NEK1: variants seen among roughly 807,000 people sequenced by gnomAD.
NEK1 encodes the protein NIMA related kinase 1, also known as serine/threonine-protein kinase Nek1.
In NEK1, 137 loss-of-function variants were observed where a neutral mutation model predicts 182.1. The ratio of observed to expected loss-of-function variants is 0.75; its 90% CI spans 0.65 to 0.87. The LOEUF (loss-of-function observed/expected upper bound fraction) is 0.87. Among genes scored for constraint, NEK1 ranks in the 40% least tolerant of loss-of-function variants. NEK1 has a pLI of 0.00. For missense variants in NEK1, 1,391 were observed against 1,494.4 expected (o/e 0.93, Z 1.14); for synonymous variants, 513 against 492.2 (o/e 1.04, Z -0.56).
chr4:169,577,207 A>G lies in NEK1; in HGVS notation c.869-128T>C, dbSNP rs1765830314. The stretch of plus-strand genomic sequence containing the variant: ...TAGTATTTTAAACTTTCTATCAAAT[A>G]TCTTAATTCATCCCTTAGTATTTAC... On this transcript the variant is annotated intron_variant, in intron 11 of 35. Coordinates refer to ENST00000507142, the MANE Select transcript of NEK1 (RefSeq NM_001199397.3). 6.8e-6 allele frequency: 6 copies of G among 877,442 alleles called. No homozygotes were observed. In the African/African-American group the frequency reaches 8.5e-5, roughly 12 times the overall value. 54.4% of individuals were successfully genotyped at this position (877,442 alleles called of 1,614,324 possible).
chr4:169,531,548 C>T (rs1041884014), intron 19 of NEK1, among the ~76,000 whole-genome samples: 8 of 151,470 alleles, frequency 5.3e-5, no homozygotes, highest in African/African-American at 1.9e-4. Context: ...GGTAAAGAAG[C>T]AAAGTCGAGG....
chr4:169,545,444 C>CT (rs1210330637), intron 18 of NEK1, among the ~76,000 whole-genome samples: 1 of 150,592 alleles, frequency 6.6e-6, no homozygotes, highest in African/African-American at 2.5e-5. Flanking sequence ...TTAATCCAGT[C>CT]TATCATTGTT....
chr4:169,584,995 G>A (rs1443397496), intron 10 of NEK1, among the ~76,000 whole-genome samples: 1 of 152,184 alleles, frequency 6.6e-6, no homozygotes, highest in Non-Finnish European at 1.5e-5. Context: ...AGACAAGCCT[G>A]AATAACATAA....
At chr4:169,412,922 G>A (rs1344514547) in intron 31 of NEK1, among the ~76,000 whole-genome samples, 1 of 151,768 alleles carries the variant, frequency 6.6e-6, no homozygotes, top group Non-Finnish European at 1.5e-5. Context: ...AAGAAAGAGA[G>A]GGAAAGAGGG....
rs34538104 is a variant in NEK1 at position 169,583,961 on chromosome 4, C to T, written c.807+1388G>A. On this transcript the variant is annotated intron_variant, in intron 10 of 35. Coordinates refer to ENST00000507142, the MANE Select transcript of NEK1 (RefSeq NM_001199397.3). ...AAGTCAGAAGGATATATGATACTTC[C>T]TTCTTCTCCATGAGCATATAAAACT... 5.3e-3 allele frequency among the ~76,000 whole-genome samples: 803 copies of T among 152,200 alleles called. 2 individuals are homozygous for T. Among genetic ancestry groups the T allele is most frequent in the Middle Eastern group, 0.01 (3 of 294 alleles).
chr4:169,458,611 C>G (rs1156464106), intron 27 of NEK1, among the ~76,000 whole-genome samples: 2 of 151,846 alleles, frequency 1.3e-5, no homozygotes, highest in Non-Finnish European at 2.9e-5. Context: ...ACTGGTGGTC[C>G]CAGCTACTTG....
At position 169,541,698 on chromosome 4, in the gene NEK1, A is replaced by G. The variant is rs545964160; in HGVS notation, c.1563-3787T>C. On this transcript the variant is annotated intron_variant, in intron 18 of 35. Coordinates refer to ENST00000507142, the MANE Select transcript of NEK1 (RefSeq NM_001199397.3). ...ATGTCCTATAATGCCAGTGACCACT[A>G]AACAGTACAAGACAAAAGAACCATT... Among the ~76,000 whole-genome samples the G allele has an allele frequency of 2.7e-4, 41 of 152,296 alleles. 1 individual carries two copies. In the South Asian group the frequency reaches 8.3e-3, roughly 31 times the overall value.
chr4:169,595,072 T>G (rs1443061733), intron 5 of NEK1, among the ~76,000 whole-genome samples: 1 of 152,136 alleles, frequency 6.6e-6, no homozygotes, highest in African/African-American at 2.4e-5. Context: ...GCCAAACTAC[T>G]GGCACTTCAG....
chr4:169,478,760 T>C (rs1226702004), intron 24 of NEK1, among the ~76,000 whole-genome samples: 5 of 152,290 alleles, frequency 3.3e-5, no homozygotes, highest in Admixed American at 6.5e-5. Context: ...CTCCTGTCTG[T>C]TGAATTCTAG....
At chr4:169,511,494 A>C (rs1311893999) in intron 19 of NEK1, among the ~76,000 whole-genome samples, 1 of 152,112 alleles carries the variant, frequency 6.6e-6, no homozygotes, top group East Asian at 1.9e-4. Context: ...TGAAGTTTTA[A>C]AACCTTTTTG....
intron 35 of NEK1, among the ~76,000 whole-genome samples, chr4:169,396,589 A>G (rs1730766579): frequency 6.6e-6 from 1 of 151,766 alleles, no homozygotes; most frequent in Non-Finnish European, 1.5e-5. Context: ...CTAGCTATGG[A>G]AAAAAAAGCA....
chr4:169,440,420 T>C (rs535424616), intron 27 of NEK1, among the ~76,000 whole-genome samples: 1 of 152,186 alleles, frequency 6.6e-6, no homozygotes, highest in Non-Finnish European at 1.5e-5. Flanking sequence ...ATTAATATAA[T>C]AAAAGAGAAA....
intron 27 of NEK1, among the ~76,000 whole-genome samples, chr4:169,440,883 G>C (rs1199187080): frequency 6.6e-6 from 1 of 152,164 alleles, no homozygotes; most frequent in Non-Finnish European, 1.5e-5. Context: ...ACAGCATCCT[G>C]AGACCCAAGC....
chr4:169,512,825 C>T (rs1345223655), intron 19 of NEK1, among the ~76,000 whole-genome samples: 5 of 152,024 alleles, frequency 3.3e-5, no homozygotes, highest in African/African-American at 7.2e-5. Context: ...ATGTCCAATT[C>T]CTCCCACAAT....
intron 18 of NEK1, chr4:169,554,188 CAGG>C (rs1761820040): frequency 6.6e-6 from 1 of 152,280 alleles, no homozygotes; most frequent in Admixed American, 6.6e-5. Context: ...GAGGCCAGTG[CAGG>C]AGGACTGCTT....
intron 35 of NEK1, 175 bp downstream of exon 35, chr4:169,400,050 A>G (rs773760000): frequency 7.1e-6 from 5 of 706,258 alleles, no homozygotes; most frequent in Non-Finnish European, 1.3e-5. Flanking sequence ...CAGTAAAAGT[A>G]TATGACAGAT....
chr4:169,537,823 C>T lies in NEK1; in HGVS notation c.1651G>A (p.Ala551Thr), dbSNP rs946101419. ...AAAATTCATACCATATGTCCTTCGG[C>T]TCGAGCTTTATTCTGCATAGCTTCC... is the stretch of plus-strand genomic sequence containing the variant. ...KREAMQNKAR[A>T]EGHMGILQNL... The change falls in exon 19 of 36, where the codon GCC becomes ACC. Residue 551 changes from alanine (A) to threonine (T), a missense_variant. Around this residue, in one of 5 missense-constraint regions of NEK1, gnomAD observed 1,216 missense variants for 1,277.6 expected, o/e 0.95. Transcript: ENST00000507142. 11 of 1,612,714 alleles carry T rather than the reference C, an allele frequency of 6.8e-6. No individual in the cohort carries two copies. The highest frequency in any genetic ancestry group is 9.3e-6 in the Non-Finnish European group (11 of 1,178,980).
intron 27 of NEK1, among the ~76,000 whole-genome samples, chr4:169,462,313 A>C (rs1357208950): frequency 1.1e-4 from 17 of 152,154 alleles, no homozygotes; most frequent in Admixed American, 1.1e-3. Flanking sequence ...TATTTGGCAT[A>C]CAACTGCAAA....
chr4:169,456,996 T>A (rs1743007134), intron 27 of NEK1, among the ~76,000 whole-genome samples: 1 of 152,098 alleles, frequency 6.6e-6, no homozygotes, highest in Non-Finnish European at 1.5e-5. Flanking sequence ...TTGTGGGAGT[T>A]AACAATTAAA....
Sources: allele counts gnomAD v4.1 joint callset (sites outside exome capture counted in the v4.1 genomes callset), GRCh38; gene constraint gnomAD v4.1.1; regional missense constraint gnomAD v4.1.1; transcripts MANE v1.5; gene names NCBI Gene and HGNC (gene_info 2026-07-23, HGNC 2026-07-21).